The following PTK2B variants were observed in gnomAD, a reference collection of about 807,000 sequenced individuals.
PTK2B encodes protein-tyrosine kinase 2-beta.
PTK2B carries 71 observed loss-of-function variants against 142.9 expected under a neutral mutation model. The observed-to-expected ratio is 0.50, with a 90% confidence interval of 0.41 to 0.61. PTK2B has a LOEUF of 0.61. Ranked by LOEUF, PTK2B falls within the 20% of genes least tolerant of loss-of-function variation. The pLI, the probability that PTK2B is intolerant of heterozygous loss-of-function variation, is 0.00. For missense variants in PTK2B, 1,105 were observed against 1,320.4 expected, an observed-to-expected ratio of 0.84 and a Z score of 2.53; for synonymous variants, 519 against 503.4, an observed-to-expected ratio of 1.03 and a Z score of -0.42.
upstream of PTK2B, chr8:27,322,597 C>T (rs1803244578): frequency 6.6e-6 from 1 of 152,184 alleles, no homozygotes; most frequent in Non-Finnish European, 1.5e-5. Flanking sequence ...ACACCTATCA[C>T]TTAATTTGGG....
Position 27,439,049 on chromosome 8 carries a change from C to A in PTK2B, c.1662C>A (p.Asn554Lys). ...CTTCCAGGGACATTGCTGTCCGGAA[C>A]ATCCTGGTGGCCTCCCCTGAGTGTG... ...NCVHRDIAVR[N>K]ILVASPECVK... is the part of the protein sequence containing the mutation. The change falls in exon 19 of 31, where the codon AAC becomes AAA. Residue 554 changes from asparagine to lysine, a missense_variant. Coordinates refer to ENST00000346049, the MANE Select transcript of PTK2B (RefSeq NM_173176.3). The A allele has an allele frequency of 6.2e-7, 1 of 1,614,084 alleles. No homozygotes were observed. Among genetic ancestry groups the A allele is most frequent in the Non-Finnish European group, 8.5e-7 (1 of 1,179,934 alleles).
intron 1 of PTK2B, chr8:27,396,359 A>G (rs1344622545): frequency 6.6e-6 from 1 of 151,962 alleles, no homozygotes; most frequent in East Asian, 1.9e-4. Flanking sequence ...TTTGCCCCCA[A>G]CTCCTGGTCA....
intron 2 of PTK2B, among the ~76,000 whole-genome samples, chr8:27,410,227 G>C (rs1808975288): frequency 1.3e-5 from 2 of 152,244 alleles, no homozygotes; most frequent in South Asian, 4.1e-4. Flanking sequence ...TTGCATTGGA[G>C]GAAGCGTGTT....
upstream of PTK2B, chr8:27,323,289 T>C (rs1160149068): frequency 6.6e-6 from 1 of 152,234 alleles, no homozygotes; most frequent in African/African-American, 2.4e-5. Context: ...CGGGGCTTGT[T>C]TGAAGAGCAA....
At chr8:27,432,078 A>G in intron 9 of PTK2B, 182 bp from the exon 10 acceptor site, 1 of 536,458 alleles carries the variant, frequency 1.9e-6, no homozygotes, top group Non-Finnish European at 3.3e-6. Context: ...GGCCCAGGGA[A>G]GCCAAAAGAT....
upstream of PTK2B, among the ~76,000 whole-genome samples, chr8:27,320,911 C>T (rs1040996699): frequency 2.0e-5 from 3 of 149,408 alleles, no homozygotes; most frequent in Middle Eastern, 3.5e-3. Flanking sequence ...ATGACCAGCC[C>T]TCATCCTGAA....
intron 1 of PTK2B, among the ~76,000 whole-genome samples, chr8:27,355,748 G>A (rs999818993): frequency 2.6e-5 from 4 of 152,190 alleles, no homozygotes; most frequent in Non-Finnish European, 4.4e-5. Flanking sequence ...TTGAGGCTAC[G>A]CATGGTGGCT....
intron 1 of PTK2B, among the ~76,000 whole-genome samples, chr8:27,359,783 G>A (rs148996032): frequency 2.0e-5 from 3 of 152,188 alleles, no homozygotes; most frequent in African/African-American, 7.2e-5. Context: ...CCAGACAGAG[G>A]TCAAGCTTCT....
At chr8:27,346,291 C>G (rs1164207765) in intron 1 of PTK2B, among the ~76,000 whole-genome samples, 1 of 152,118 alleles carries the variant, frequency 6.6e-6, no homozygotes, top group South Asian at 2.1e-4. Context: ...AATCCTAGCA[C>G]TTGGGAGGCT....
chr8:27,364,741 C>T (rs763467973), intron 1 of PTK2B, among the ~76,000 whole-genome samples: 14 of 152,228 alleles, frequency 9.2e-5, no homozygotes, highest in African/African-American at 2.4e-4. Context: ...GTCCAATTGA[C>T]GGGAGAAGAT....
chr8:27,430,756 T>G (rs547306390), intron 7 of PTK2B, 120 bp from the exon 8 acceptor site: 46 of 1,379,036 alleles, frequency 3.3e-5, no homozygotes, highest in East Asian at 2.8e-4. Flanking sequence ...CAGCTGCTTT[T>G]GGGGCAAAGG....
At chr8:27,437,299 G>A (rs1182001438) in intron 16 of PTK2B, 93 bp downstream of exon 16, 2 of 1,541,682 alleles carry the variant, frequency 1.3e-6, no homozygotes, top group South Asian at 2.2e-5. Flanking sequence ...CATGTTGGAG[G>A]AGGGGTTCCC....
At position 27,422,167 on chromosome 8, in the gene PTK2B, G is replaced by A. The variant is rs1809796912; in HGVS notation, c.472-137G>A. The A allele has an allele frequency of 5.9e-5, 46 of 773,586 alleles. 2 individuals are homozygous for A. In the South Asian group the frequency reaches 8.6e-4, roughly 14 times the overall value. 47.9% of individuals were successfully genotyped at this position (773,586 alleles called of 1,614,324 possible). A position where few individuals can be genotyped will look rare whatever the true frequency, so the allele number is the denominator to read the frequency against. On this transcript the variant is annotated intron_variant, in intron 4 of 30. Transcript: ENST00000346049. ...CTTTCCCCTCGTGCTCTCCATCCCTGCTCCATGCTTGTTTGTGGTGGGGTG... is the reference window on the plus strand; with the variant it reads ...CTTTCCCCTCGTGCTCTCCATCCCTACTCCATGCTTGTTTGTGGTGGGGTG...
intron 27 of PTK2B, 46 bp downstream of exon 27, chr8:27,451,555 G>T (rs535883300): frequency 1.2e-6 from 2 of 1,613,514 alleles, no homozygotes; most frequent in South Asian, 2.2e-5. Flanking sequence ...TTGGCACCTT[G>T]TGCAGAGCCA....
chr8:27,446,099 C>A (rs1213833223), intron 24 of PTK2B, among the ~76,000 whole-genome samples, 180 bp downstream of exon 24: 1 of 152,232 alleles, frequency 6.6e-6, no homozygotes, highest in Non-Finnish European at 1.5e-5. Flanking sequence ...ACATCAGAGG[C>A]TGGCAGCCAC....
At chr8:27,394,909 A>G (rs1395961672) in intron 1 of PTK2B, among the ~76,000 whole-genome samples, 2 of 152,174 alleles carry the variant, frequency 1.3e-5, no homozygotes. Context: ...CCTACACAAG[A>G]TCAGGACCAT....
chr8:27,390,429 G>T (rs552409551), intron 1 of PTK2B, among the ~76,000 whole-genome samples: 1 of 152,228 alleles, frequency 6.6e-6, no homozygotes, highest in Admixed American at 6.5e-5. Context: ...GAGGCCGGGA[G>T]TTCAAGACCA....
At chr8:27,450,610 A>T in intron 24 of PTK2B, 139 bp from the exon 25 acceptor site, 2 of 1,082,902 alleles carry the variant, frequency 1.8e-6, no homozygotes, top group Non-Finnish European at 2.6e-6. Context: ...CTCTGGGTTT[A>T]AGAACAAACT....
chr8:27,318,283 G>T (rs569827763), intron 3 of PTK2B, among the ~76,000 whole-genome samples: 5 of 152,176 alleles, frequency 3.3e-5, no homozygotes, highest in Non-Finnish European at 5.9e-5. Context: ...GCACACGGTG[G>T]GCTGGGACCA....
Sources: gnomAD v4.1 joint callset for allele counts (sites outside exome capture counted in the v4.1 genomes callset) on GRCh38, gnomAD v4.1.1 for gene constraint, MANE v1.5 for transcripts, NCBI Gene and HGNC (gene_info 2026-07-23, HGNC 2026-07-21) for gene names.